The following USP9X variants were observed in gnomAD, a reference collection of about 807,000 sequenced individuals.
The protein encoded by USP9X is ubiquitin carboxyl-terminal hydrolase 9X.
USP9X carries 7 observed loss-of-function variants against 190.3 expected under a neutral mutation model. The observed-to-expected ratio is 0.04, with a 90% CI of 0.02 to 0.07. The LOEUF is 0.07. USP9X is among the 10% of genes least tolerant of loss of function. The probability of loss-of-function intolerance (pLI) is 1.00; values close to 1 mark genes in which losing one functional copy is unlikely to be tolerated. For synonymous variants in USP9X, 645 were observed against 659.5 expected (o/e 0.98, Z 0.34); for missense variants, 1,010 against 1,916.9 (o/e 0.53, Z 8.83).
At chrX:41,219,558 G>A (rs1341635632) in intron 38 of USP9X, among the ~76,000 whole-genome samples, 1 of 110,705 alleles carries the variant, frequency 9.0e-6, no homozygotes, top group Non-Finnish European at 1.9e-5. Context: ...CAAAGCTAAT[G>A]TCAGGGAATC....
Position 41,144,502 on chromosome X carries a change from T to C in USP9X, c.1315-20T>C, listed in dbSNP as rs770601249. 1.9e-5 allele frequency: 22 copies of C among 1,163,272 alleles called. No individual in the cohort carries two copies. The highest frequency in any genetic ancestry group is 1.4e-4 in the South Asian group (8 of 55,709). ...ACTCAGATTCTTGTGCATTGTGATT[T>C]CGTTTTTGTTTTTCAATAGGCAGGG... On this transcript the variant is annotated intron_variant, in intron 10 of 44. Transcript: ENST00000378308.
Position 41,123,708 on chromosome X carries a change from C to G in USP9X, c.80C>G (p.Pro27Arg), listed in dbSNP as rs200078810. The change falls in exon 2 of 45, where the codon CCC (proline) becomes CGC (arginine). Residue 27 changes from proline to arginine, a missense_variant. Transcript: ENST00000378308. ...GCTCCTGATGGACAGTCTCAGCCCC[C>G]CCTCCAACAGAATCAGGTAGGATGT... is the stretch of plus-strand genomic sequence containing the variant. ...GQAPDGQSQP[P>R]LQQNQTSSPD... 3 of 1,209,386 alleles carry G rather than the reference C, an allele frequency of 2.5e-6. No homozygotes were observed. The highest frequency in any genetic ancestry group is 2.2e-5 in the Admixed American group (1 of 45,728).
rs1488765719 is a variant in USP9X at position 41,235,087 on chromosome X, TGGAG to T, written c.*2565_*2568del. Reference sequence around the variant, plus strand: ...ATAAAAGGCTGTGAATTTTTCTGCTTGGAGGAAGAGCCCAACCTTGGTTGCTTTG... The same window carrying T: ...ATAAAAGGCTGTGAATTTTTCTGCTTGAAGAGCCCAACCTTGGTTGCTTTG... On this transcript the variant is annotated 3_prime_UTR_variant, in exon 45 of 45. Coordinates refer to ENST00000378308, the MANE Select transcript of USP9X (RefSeq NM_001039591.3). The T allele has an allele frequency of 1.8e-5, 2 of 111,837 alleles. No homozygotes were observed. The highest frequency in any genetic ancestry group is 1.9e-4 in the Admixed American group (2 of 10,428). 9.2% of individuals were successfully genotyped at this position (111,837 alleles called of 1,213,427 possible). A position where few individuals can be genotyped will look rare whatever the true frequency, so the allele number is the denominator to read the frequency against.
intron 1 of USP9X, among the ~76,000 whole-genome samples, chrX:41,111,271 C>G (rs919383533): frequency 9.0e-6 from 1 of 111,646 alleles, no homozygotes; most frequent in Non-Finnish European, 1.9e-5. Flanking sequence ...TGTGAAGATA[C>G]AGTAAGAAGA....
chrX:41,186,723 A>G (rs969094333), intron 24 of USP9X, 81 bp downstream of exon 24: 3 of 1,045,278 alleles, frequency 2.9e-6, no homozygotes, highest in Non-Finnish European at 3.9e-6. Context: ...TCTATAGATA[A>G]TGTCCCCTTA....
rs927473576 is a variant in USP9X at position 41,225,154 on chromosome X, T to C, written c.7061+17T>C. The C allele has an allele frequency of 8.4e-7, 1 of 1,196,873 alleles. No homozygotes were observed. Among genetic ancestry groups the C allele is most frequent in the Non-Finnish European group, 1.1e-6 (1 of 883,084 alleles). On this transcript the variant is annotated intron_variant, in intron 41 of 44. Coordinates refer to ENST00000378308, the MANE Select transcript of USP9X (RefSeq NM_001039591.3). ...AACTCACAGGTGGATACTCTTTTTGTGACTGGAAACAATTAGGCTTGCCCA... is the reference window on the plus strand; with the variant it reads ...AACTCACAGGTGGATACTCTTTTTGCGACTGGAAACAATTAGGCTTGCCCA...
In USP9X at chrX:41,196,749, G is replaced by A. The variant is rs1403443675; in HGVS notation, c.4233+11G>A. 6 of 1,108,832 alleles carry A rather than the reference G, an allele frequency of 5.4e-6. No homozygotes were observed. Among genetic ancestry groups the A allele is most frequent in the Middle Eastern group, 2.6e-4 (1 of 3,837 alleles). 91.4% of individuals were successfully genotyped at this position (1,108,832 alleles called of 1,213,427 possible). ...CTTAAAAGAATTAGGGTAAGTTTTAGTTAATACTCCATTTATATGTCATTA... is the reference window on the plus strand; with the variant it reads ...CTTAAAAGAATTAGGGTAAGTTTTAATTAATACTCCATTTATATGTCATTA... On this transcript the variant is annotated intron_variant, in intron 28 of 44. Transcript: ENST00000378308.
At position 41,160,531 on chromosome X, in the gene USP9X, T is replaced by C. The variant is rs556980254; in HGVS notation, c.1898-2259T>C. 7.2e-5 allele frequency among the ~76,000 whole-genome samples: 8 copies of C among 111,211 alleles called. No homozygotes were observed. In the South Asian group the frequency reaches 2.3e-3, roughly 31 times the overall value. On this transcript the variant is annotated intron_variant, in intron 14 of 44. Coordinates refer to ENST00000378308, the MANE Select transcript of USP9X (RefSeq NM_001039591.3). ...ACCTAAACAAAAAAAGGGAGGTGGG[T>C]TGTTAGCTAAAACTAGTGGGCAAAA...
At chrX:41,175,999 C>T (rs1436356197) in intron 21 of USP9X, among the ~76,000 whole-genome samples, 6 of 110,894 alleles carry the variant, frequency 5.4e-5, no homozygotes, top group Non-Finnish European at 1.1e-4. Context: ...TCAAGGGATT[C>T]TCCTGCCTCA....
In USP9X at chrX:41,230,586, A is replaced by G. The variant is rs766479289; in HGVS notation, c.7517A>G (p.Gln2506Arg). The G allele has an allele frequency of 8.3e-7, 1 of 1,203,208 alleles. No homozygotes were observed. Among genetic ancestry groups the G allele is most frequent in the South Asian group, 1.8e-5 (1 of 56,415 alleles). Residue 2506 changes from glutamine (Q) to arginine (R), a missense_variant, in exon 44 of 45, where the codon CAG becomes CGG. Gln to Arg is a conservative substitution (Grantham distance 43). Transcript: ENST00000378308. ...TTGTACCCCCATTCACCTGGATCTC[A>G]GTATCAACAGGTAAACAGGAGTCAG... ...APLYPHSPGS[Q>R]YQQNNHVHGQ...
At chrX:41,097,618 T>C (rs1955377301) in intron 1 of USP9X, among the ~76,000 whole-genome samples, 1 of 112,376 alleles carries the variant, frequency 8.9e-6, no homozygotes, top group Non-Finnish European at 1.9e-5. Flanking sequence ...TAGATATTTT[T>C]ATGAAAAATA....
intron 34 of USP9X, 124 bp downstream of exon 34, chrX:41,214,833 G>A: frequency 1.4e-6 from 1 of 722,733 alleles, no homozygotes. Flanking sequence ...TATAGTGGTA[G>A]CAGAGAAGTA....
intron 32 of USP9X, among the ~76,000 whole-genome samples, chrX:41,208,665 G>A (rs766240490): frequency 1.8e-5 from 2 of 110,711 alleles, no homozygotes; most frequent in African/African-American, 6.6e-5. Flanking sequence ...ATGTGTGCTT[G>A]GTTTTTGGTT....
rs2063396891 is a variant in USP9X at position 41,236,076 on chromosome X, TAAGTG to T, written c.*3553_*3557del. The stretch of plus-strand genomic sequence containing the variant: ...GGATAAGAAAATTGCCTTTTCATTG[TAAGTG>T]CCCAGTTTTGGTCTCTAGTTTGAAG... On this transcript the variant is annotated 3_prime_UTR_variant, in exon 45 of 45. Transcript: ENST00000378308. 9.0e-6 allele frequency: 1 copy of T among 111,314 alleles called. No homozygotes were observed. The highest frequency in any genetic ancestry group is 9.6e-5 in the Admixed American group (1 of 10,380). 9.2% of individuals were successfully genotyped at this position (111,314 alleles called of 1,213,427 possible). A position where few individuals can be genotyped will look rare whatever the true frequency, so the allele number is the denominator to read the frequency against.
intron 1 of USP9X, among the ~76,000 whole-genome samples, chrX:41,113,875 C>T (rs1289995986): frequency 8.9e-6 from 1 of 112,758 alleles, no homozygotes; most frequent in Non-Finnish European, 1.9e-5. Context: ...ATAAATTTAA[C>T]ATTTATCAAA....
chrX:41,106,347 A>G (rs2062068407), intron 1 of USP9X, among the ~76,000 whole-genome samples: 1 of 110,578 alleles, frequency 9.0e-6, no homozygotes, highest in Admixed American at 9.7e-5. Flanking sequence ...AGGCTCAACA[A>G]TGAATTATAC....
chrX:41,117,824 G>C (rs777447461), intron 1 of USP9X, among the ~76,000 whole-genome samples: 9 of 109,039 alleles, frequency 8.3e-5, no homozygotes, highest in Non-Finnish European at 1.3e-4. Context: ...CTCCAGAAGT[G>C]CTGAGATTAC....
At chrX:41,156,103 C>G (rs2062576323) in intron 14 of USP9X, among the ~76,000 whole-genome samples, 1 of 112,419 alleles carries the variant, frequency 8.9e-6, no homozygotes, top group African/African-American at 3.2e-5. Context: ...AACAAAACAA[C>G]CATTTAACCG....
chrX:41,148,096 A>T (rs1479478080), intron 11 of USP9X, among the ~76,000 whole-genome samples: 3 of 111,880 alleles, frequency 2.7e-5, no homozygotes, highest in Non-Finnish European at 5.6e-5. Context: ...GTTGTATTAC[A>T]ATACCATTTT....
Sources: gnomAD v4.1 joint callset for allele counts (sites outside exome capture counted in the v4.1 genomes callset) on GRCh38, gnomAD v4.1.1 for gene constraint, MANE v1.5 for transcripts, NCBI Gene and HGNC (gene_info 2026-07-23, HGNC 2026-07-21) for gene names.